Variants in PLD5 observed in about 807,000 individuals in gnomAD.
PLD5 encodes phospholipase D family member 5.
PLD5 carries 36 observed loss-of-function variants against 61.1 expected under a neutral mutation model. The observed-to-expected ratio is 0.59, with a 90% CI of 0.45 to 0.78. The LOEUF is 0.78. PLD5 is among the 30% of genes least tolerant of loss of function. PLD5 has a pLI of 0.00. For synonymous variants in PLD5, 243 were observed against 242.8 expected (o/e 1.00, Z -0.01); for missense variants, 515 against 644.4 (o/e 0.80, Z 2.17).
intron 5 of PLD5, among the ~76,000 whole-genome samples, chr1:242,202,807 T>A (rs1200148213): frequency 6.6e-6 from 1 of 152,140 alleles, no homozygotes; most frequent in African/African-American, 2.4e-5. Flanking sequence ...GGGGATTTCA[T>A]GTAATTAACC....
intron 4 of PLD5, among the ~76,000 whole-genome samples, chr1:242,238,358 T>G (rs1032800274): frequency 2.0e-5 from 3 of 152,308 alleles, no homozygotes; most frequent in African/African-American, 7.2e-5. Flanking sequence ...ATGGATACTC[T>G]GCATCCATTG....
intron 6 of PLD5, among the ~76,000 whole-genome samples, chr1:242,121,979 A>T (rs1662410525): frequency 6.6e-6 from 1 of 151,948 alleles, no homozygotes; most frequent in South Asian, 2.1e-4. Context: ...ATTAGGAGAT[A>T]CACCTAATGT....
intron 2 of PLD5, among the ~76,000 whole-genome samples, chr1:242,317,468 A>G (rs1240519290): frequency 6.7e-6 from 1 of 149,350 alleles, no homozygotes; most frequent in Admixed American, 6.6e-5. Flanking sequence ...AAGAATTTGT[A>G]AACACTTTTT....
intron 9 of PLD5, among the ~76,000 whole-genome samples, chr1:242,095,754 G>A (rs972133594): frequency 3.3e-5 from 5 of 151,944 alleles, no homozygotes; most frequent in East Asian, 3.9e-4. Context: ...CAATCCTGTC[G>A]TGCCTAAAAC....
chr1:242,427,360 G>A (rs190312437), intron 1 of PLD5, among the ~76,000 whole-genome samples: 2 of 152,244 alleles, frequency 1.3e-5, no homozygotes, highest in South Asian at 2.1e-4. Context: ...TCACCTTGGT[G>A]CATTTCTTTA....
At chr1:242,095,225 G>A (rs753492105) in intron 9 of PLD5, among the ~76,000 whole-genome samples, 2 of 151,400 alleles carry the variant, frequency 1.3e-5, no homozygotes, top group African/African-American at 4.9e-5. Flanking sequence ...GTGAGCCATC[G>A]CGTCCGGCAT....
chr1:242,324,286 T>C (rs913900368), intron 2 of PLD5, among the ~76,000 whole-genome samples: 10 of 152,220 alleles, frequency 6.6e-5, no homozygotes, highest in African/African-American at 2.4e-4. Flanking sequence ...GCAAGATGAT[T>C]TCTTTAGAAT....
At chr1:242,187,588 G>T (rs994178138) in intron 5 of PLD5, among the ~76,000 whole-genome samples, 1 of 152,118 alleles carries the variant, frequency 6.6e-6, no homozygotes. Flanking sequence ...TTTCTGGAAG[G>T]CATATTTAAT....
At chr1:242,206,313 CA>C (rs1159151134) in intron 5 of PLD5, among the ~76,000 whole-genome samples, 1 of 152,204 alleles carries the variant, frequency 6.6e-6, no homozygotes, top group African/African-American at 2.4e-5. Flanking sequence ...TACAGCCCAT[CA>C]GTCACTATGA....
chr1:242,301,765 CATTATT>C (rs543604489), intron 2 of PLD5, among the ~76,000 whole-genome samples: 47 of 141,034 alleles, frequency 3.3e-4, no homozygotes, highest in South Asian at 2.3e-3. Flanking sequence ...TTTTTTAAAA[CATTATT>C]ATTATTATTA....
chr1:242,315,736 C>T (rs1175714932), intron 2 of PLD5, among the ~76,000 whole-genome samples: 1 of 152,150 alleles, frequency 6.6e-6, no homozygotes, highest in African/African-American at 2.4e-5. Context: ...GTAGCTGGGA[C>T]TACAGGCATA....
chr1:242,442,893 T>A (rs548532332), intron 1 of PLD5, among the ~76,000 whole-genome samples: 1 of 152,348 alleles, frequency 6.6e-6, no homozygotes, highest in African/African-American at 2.4e-5. Context: ...TAAACGGGTA[T>A]TCCTTATCCA....
chr1:242,126,476 G>A (rs1012057939), intron 5 of PLD5, among the ~76,000 whole-genome samples: 1 of 152,156 alleles, frequency 6.6e-6, no homozygotes, highest in Non-Finnish European at 1.5e-5. Flanking sequence ...TAGCCCAATG[G>A]AACAGAATAG....
intron 1 of PLD5, among the ~76,000 whole-genome samples, chr1:242,360,576 TTTCCTATA>T (rs1469557352): frequency 3.3e-5 from 5 of 152,180 alleles, no homozygotes; most frequent in African/African-American, 1.2e-4. Context: ...ATTCTTGTTC[TTTCCTATA>T]TTCCATCTGC....
intron 4 of PLD5, among the ~76,000 whole-genome samples, chr1:242,231,041 C>T (rs987674926): frequency 6.6e-6 from 1 of 151,968 alleles, no homozygotes; most frequent in African/African-American, 2.4e-5. Context: ...AAATAATAAA[C>T]TTACTTAAAA....
intron 1 of PLD5, among the ~76,000 whole-genome samples, chr1:242,436,521 T>C (rs7534490): frequency 0.26 from 40,122 of 152,106 alleles, 6,656 homozygotes; most frequent in African/African-American, 0.47. Flanking sequence ...CTATGTTAAT[T>C]ATTAAAGACA....
chr1:242,135,819 T>C (rs1663675609), intron 5 of PLD5, among the ~76,000 whole-genome samples: 1 of 152,166 alleles, frequency 6.6e-6, no homozygotes, highest in Non-Finnish European at 1.5e-5. Flanking sequence ...GCCCAAAGAT[T>C]AAGTACTTCT....
intron 1 of PLD5, among the ~76,000 whole-genome samples, chr1:242,399,495 T>C (rs759740472): frequency 6.6e-6 from 1 of 152,206 alleles, no homozygotes; most frequent in African/African-American, 2.4e-5. Context: ...TATTCATTCT[T>C]TCCTAGGAGT....
intron 2 of PLD5, among the ~76,000 whole-genome samples, chr1:242,321,327 G>C (rs1658395464): frequency 6.7e-6 from 1 of 149,380 alleles, no homozygotes; most frequent in Non-Finnish European, 1.5e-5. Flanking sequence ...TTTTTGGATG[G>C]AGTTTCACTC....
Sources: gnomAD v4.1 joint callset for allele counts (sites outside exome capture counted in the v4.1 genomes callset) on GRCh38, gnomAD v4.1.1 for gene constraint, MANE v1.5 for transcripts, NCBI Gene and HGNC (gene_info 2026-07-23, HGNC 2026-07-21) for gene names.